Variants in ZMAT4 observed in about 807,000 individuals in gnomAD.
ZMAT4 encodes zinc finger matrin-type 4, also known as zinc finger matrin-type protein 4.
A neutral mutation model predicts 28.7 loss-of-function variants in ZMAT4; 17 were observed. The ratio of observed to expected loss-of-function variants is 0.59; its 90% confidence interval spans 0.41 to 0.89. The LOEUF is 0.89. Among genes scored for constraint, ZMAT4 ranks in the 40% least tolerant of loss-of-function variants. The pLI is 0.00. For synonymous variants in ZMAT4, 117 were observed against 109.2 expected (o/e 1.07, Z -0.44); for missense variants, 240 against 283.8 (o/e 0.85, Z 1.11).
chr8:40,613,481 G>T (rs1367122293), intron 5 of ZMAT4, among the ~76,000 whole-genome samples: 1 of 152,044 alleles, frequency 6.6e-6, no homozygotes, highest in South Asian at 2.1e-4. Context: ...ACCTTGCCCA[G>T]CCTCACCTGC....
rs149642878 is a variant in ZMAT4, at chr8:40,683,228, T to C, written c.350-8297A>G. ...TGTACTTGAGGACATCCTGCAGGTATAACGATGAATGCCGGAATCAATGAT... is the reference window on the plus strand; with the variant it reads ...TGTACTTGAGGACATCCTGCAGGTACAACGATGAATGCCGGAATCAATGAT... On this transcript the variant is annotated intron_variant, in intron 4 of 6. Coordinates refer to ENST00000297737, the MANE Select transcript of ZMAT4 (RefSeq NM_024645.3). Among the ~76,000 whole-genome samples, 1,356 of 152,292 alleles carry C rather than the reference T, an allele frequency of 8.9e-3. 13 individuals are homozygous for C. The highest frequency in any genetic ancestry group is 0.013 in the Non-Finnish European group (914 of 68,014).
At chr8:40,697,449 T>G in intron 3 of ZMAT4, 48 bp from the exon 4 acceptor site, 1 of 1,443,004 alleles carries the variant, frequency 6.9e-7, no homozygotes, top group Non-Finnish European at 9.2e-7. Context: ...CCCATTCCAT[T>G]CTTTTACAAA....
intron 1 of ZMAT4, among the ~76,000 whole-genome samples, chr8:40,891,629 G>A (rs937711522): frequency 2.0e-5 from 3 of 152,074 alleles, no homozygotes; most frequent in African/African-American, 7.2e-5. Context: ...GCTGCCTGAG[G>A]GGCTGATGGT....
intron 5 of ZMAT4, among the ~76,000 whole-genome samples, chr8:40,639,682 C>G (rs1169567376): frequency 6.7e-6 from 1 of 148,900 alleles, no homozygotes; most frequent in East Asian, 2.0e-4. Context: ...TACAGAGAAC[C>G]TGTATCTGAG....
chr8:40,864,063 G>A (rs1037091365), intron 1 of ZMAT4, among the ~76,000 whole-genome samples: 4 of 152,124 alleles, frequency 2.6e-5, no homozygotes, highest in Non-Finnish European at 5.9e-5. Flanking sequence ...TCTGATTCCC[G>A]GATTAAATAA....
At chr8:40,684,158 G>A (rs996348034) in intron 4 of ZMAT4, among the ~76,000 whole-genome samples, 3 of 152,104 alleles carry the variant, frequency 2.0e-5, no homozygotes, top group Admixed American at 2.0e-4. Context: ...TACGTATTAG[G>A]CATTTCTTTC....
chr8:40,613,171 A>ACTCT (rs1563366781), intron 5 of ZMAT4, among the ~76,000 whole-genome samples: 1 of 96,582 alleles, frequency 1.0e-5, no homozygotes, highest in African/African-American at 4.2e-5. Flanking sequence ...TTTCTTTCTT[A>ACTCT]CTTTCTTTCT....
intron 5 of ZMAT4, among the ~76,000 whole-genome samples, chr8:40,612,789 C>T (rs1805844166): frequency 1.6e-5 from 2 of 126,652 alleles, no homozygotes. Flanking sequence ...TCTACCCAGT[C>T]ATTCTCTGTA....
chr8:40,858,409 A>C lies in ZMAT4; in HGVS notation c.-4-32729T>G, dbSNP rs149377786. On this transcript the variant is annotated intron_variant, in intron 1 of 6. Coordinates refer to ENST00000297737, the MANE Select transcript of ZMAT4 (RefSeq NM_024645.3). ...GCCATGTGCAAAACAGATCCTCAGT[A>C]ACTGGAAGCTGGCTTGGAATTGAGA... Among the ~76,000 whole-genome samples, 159 of 152,318 alleles carry C rather than the reference A, an allele frequency of 1.0e-3. 1 individual carries two copies. The highest frequency in any genetic ancestry group is 3.6e-3 in the African/African-American group (148 of 41,568).
chr8:40,558,421 G>A (rs1196119356), intron 6 of ZMAT4, among the ~76,000 whole-genome samples: 1 of 152,092 alleles, frequency 6.6e-6, no homozygotes, highest in African/African-American at 2.4e-5. Context: ...TGGAGGCTTG[G>A]ACAAGGGACT....
intron 5 of ZMAT4, among the ~76,000 whole-genome samples, chr8:40,622,608 G>A (rs1806240626): frequency 6.6e-6 from 1 of 152,200 alleles, no homozygotes; most frequent in South Asian, 2.1e-4. Context: ...ATAAAGAAAA[G>A]AGGTTTATTT....
chr8:40,796,421 G>A (rs781263700), intron 2 of ZMAT4, among the ~76,000 whole-genome samples: 20 of 152,288 alleles, frequency 1.3e-4, no homozygotes, highest in Non-Finnish European at 2.5e-4. Context: ...TTCTTTTTGT[G>A]TATTTAGCAG....
intron 3 of ZMAT4, among the ~76,000 whole-genome samples, chr8:40,727,330 G>T (rs1275981121): frequency 6.6e-6 from 1 of 152,124 alleles, no homozygotes; most frequent in Non-Finnish European, 1.5e-5. Context: ...TAAGGTTGAG[G>T]AAAATCATTC....
intron 3 of ZMAT4, among the ~76,000 whole-genome samples, chr8:40,735,358 C>A (rs1044455832): frequency 6.6e-6 from 1 of 152,114 alleles, no homozygotes; most frequent in African/African-American, 2.4e-5. Context: ...TCAATATTTT[C>A]TCTTTATAGG....
intron 6 of ZMAT4, among the ~76,000 whole-genome samples, chr8:40,579,998 C>T (rs564236172): frequency 7.1e-6 from 1 of 141,674 alleles, no homozygotes; most frequent in East Asian, 2.0e-4. Flanking sequence ...AGGAAGGACT[C>T]AATGTATTCA....
intron 6 of ZMAT4, among the ~76,000 whole-genome samples, chr8:40,559,219 A>G (rs1238578844): frequency 6.6e-6 from 1 of 152,112 alleles, no homozygotes; most frequent in Admixed American, 6.6e-5. Flanking sequence ...ATAAAAGACC[A>G]CTGACTGTGA....
At chr8:40,745,164 A>G (rs1343324981) in intron 3 of ZMAT4, among the ~76,000 whole-genome samples, 2 of 152,152 alleles carry the variant, frequency 1.3e-5, no homozygotes, top group Non-Finnish European at 1.5e-5. Flanking sequence ...GGTCAAATAT[A>G]ATTCAATCGT....
intron 6 of ZMAT4, among the ~76,000 whole-genome samples, chr8:40,535,658 A>T (rs1802821503): frequency 1.1e-5 from 1 of 87,152 alleles, no homozygotes; most frequent in Non-Finnish European, 2.3e-5. Context: ...ACTGAGCAAG[A>T]CTCTGTCTCA....
Position 40,743,623 on chromosome 8 carries a change from G to A in ZMAT4, c.192+24018C>T, listed in dbSNP as rs187680148. Among the ~76,000 whole-genome samples, 5 of 152,328 alleles carry A rather than the reference G, an allele frequency of 3.3e-5. No individual in the cohort carries two copies. The East Asian group carries it at 9.7e-4, about 29-fold the overall frequency. ...ACAGCGGACTAATAGAATCCCATTG[G>A]TCCTGGCTCCTCACAGAGAGTTGGA... On this transcript the variant is annotated intron_variant, in intron 3 of 6. Coordinates refer to ENST00000297737, the MANE Select transcript of ZMAT4 (RefSeq NM_024645.3).
Sources: allele counts gnomAD v4.1 joint callset (sites outside exome capture counted in the v4.1 genomes callset), GRCh38; gene constraint gnomAD v4.1.1; transcripts MANE v1.5; gene names NCBI Gene and HGNC (gene_info 2026-07-23, HGNC 2026-07-21).